SCNN1A: variants seen among roughly 807,000 people sequenced by gnomAD.
The protein encoded by SCNN1A is epithelial sodium channel subunit alpha.
Under a neutral mutation model 68.6 loss-of-function variants are expected in SCNN1A, and 65 were observed. The ratio of observed to expected loss-of-function variants is 0.95; its 90% CI spans 0.78 to 1.16. SCNN1A has a LOEUF of 1.16. Ranked by LOEUF, SCNN1A falls within the 50% of genes most tolerant of loss-of-function variation. The probability of loss-of-function intolerance (pLI) is 0.00; values close to 1 mark genes in which losing one functional copy is unlikely to be tolerated. For synonymous variants in SCNN1A, 357 were observed against 353.3 expected, an observed-to-expected ratio of 1.01 and a Z score of -0.12; for missense variants, 880 against 865.9, an observed-to-expected ratio of 1.02 and a Z score of -0.20.
At position 6,348,226 on chromosome 12, in the gene SCNN1A, T is replaced by C. The variant is rs761134966; in HGVS notation, c.1657A>G (p.Ser553Gly). Residue 553 changes from serine (S) to glycine (G), a missense_variant, in exon 13 of 13, where the codon AGC becomes GGC. Ser to Gly is a moderately conservative substitution (Grantham distance 56, BLOSUM62 0). Transcript: ENST00000228916. ...TMVTLLSNLGSQWSLWFGSSV... is the reference protein window; with the variant it reads ...TMVTLLSNLGGQWSLWFGSSV... ...GAGCCGAACCACAGGCTCCACTGGC[T>C]GCCCAGGTTGGACAGGAGGGTGACC... The C allele has an allele frequency of 3.1e-6, 5 of 1,614,058 alleles. No individual in the cohort carries two copies. In the African/African-American group the frequency reaches 6.7e-5, roughly 22 times the overall value.
At chr12:6,354,373 A>T in intron 8 of SCNN1A, 65 bp downstream of exon 8, 1 of 1,022,636 alleles carries the variant, frequency 9.8e-7, no homozygotes, top group Non-Finnish European at 1.6e-6. Context: ...GGGGACTGAG[A>T]GGAAAAAGTG....
intron 4 of SCNN1A, among the ~76,000 whole-genome samples, chr12:6,361,203 T>G (rs1395632483): frequency 6.6e-6 from 1 of 152,218 alleles, no homozygotes; most frequent in South Asian, 2.1e-4. Flanking sequence ...TGAATGAATC[T>G]CATTTTTTGT....
intron 8 of SCNN1A, chr12:6,349,996 G>A: frequency 5.2e-6 from 1 of 194,084 alleles, no homozygotes; most frequent in Non-Finnish European, 1.1e-5. Flanking sequence ...AAAGTGCTGG[G>A]ATTACAGGTG....
At chr12:6,348,319 C>G in intron 12 of SCNN1A, 66 bp from the exon 13 acceptor site, 1 of 1,610,350 alleles carries the variant, frequency 6.2e-7, no homozygotes, top group Non-Finnish European at 8.5e-7. Context: ...CAGAGGAGCC[C>G]CCTTCCCTCC....
chr12:6,346,966 T>C lies in SCNN1A; in HGVS notation c.*907A>G, dbSNP rs988955497. ...CCCTGACCGCAAGGCACTTACAGTC[T>C]AGTTGGGAAGGGAGACACAAATGTA... is the stretch of plus-strand genomic sequence containing the variant. On this transcript the variant is annotated 3_prime_UTR_variant, in exon 13 of 13. Transcript: ENST00000228916. The C allele has an allele frequency of 2.6e-5, 4 of 152,552 alleles. No homozygotes were observed. The highest frequency in any genetic ancestry group is 9.7e-5 in the African/African-American group (4 of 41,408). 9.4% of individuals were successfully genotyped at this position (152,552 alleles called of 1,614,324 possible). A position where few individuals can be genotyped will look rare whatever the true frequency, so the allele number is the denominator to read the frequency against.
intron 8 of SCNN1A, among the ~76,000 whole-genome samples, chr12:6,352,440 T>C (rs1948403962): frequency 1.3e-5 from 2 of 152,178 alleles, no homozygotes; most frequent in Admixed American, 6.6e-5. Context: ...AAGTAAGCCC[T>C]AGGAAATGCA....
rs374624922 is a variant in SCNN1A, at chr12:6,355,899, G to A, written c.876-19C>T. The A allele has an allele frequency of 2.7e-6, 4 of 1,487,918 alleles. No homozygotes were observed. Among genetic ancestry groups the A allele is most frequent in the African/African-American group, 1.4e-5 (1 of 72,352 alleles). The allele number at this position is 1,487,918 out of a possible 1,614,324, so 92.2% of individuals were successfully genotyped here. A position where few individuals can be genotyped will look rare whatever the true frequency, so the allele number is the denominator to read the frequency against. ...GTAATTCCTTATCAGGAAAGAGAGA[G>A]TAGGGTCAGAGAGGAAAGTGTAGGT... On this transcript the variant is annotated intron_variant, in intron 4 of 12. Transcript: ENST00000228916.
intron 2 of SCNN1A, among the ~76,000 whole-genome samples, chr12:6,365,233 G>T (rs1356058142): frequency 6.6e-6 from 1 of 152,036 alleles, no homozygotes; most frequent in Non-Finnish European, 1.5e-5. Flanking sequence ...GCCCAGGCTG[G>T]ACTCCAACTC....
intron 8 of SCNN1A, among the ~76,000 whole-genome samples, chr12:6,352,324 C>G (rs1317053973): frequency 6.6e-6 from 1 of 152,144 alleles, no homozygotes; most frequent in East Asian, 1.9e-4. Flanking sequence ...ATTATTGCTA[C>G]TTTTAGTTCC....
rs937878067 is a variant in SCNN1A at position 6,351,758 on chromosome 12, G to C, written c.1361-2353C>G. ...CTTGGGACTTGCTAATGAGTACAAGGTTTATTTATTTATTTATCTGAGACA... is the reference window on the plus strand; with the variant it reads ...CTTGGGACTTGCTAATGAGTACAAGCTTTATTTATTTATTTATCTGAGACA... On this transcript the variant is annotated intron_variant, in intron 8 of 12. Transcript: ENST00000228916. The surrounding 1 kb of genome is among the most constrained non-coding windows in gnomAD (Gnocchi z 4.2). Among the ~76,000 whole-genome samples the C allele has an allele frequency of 2.1e-5, 3 of 142,058 alleles. No homozygotes were observed. The highest frequency in any genetic ancestry group is 4.4e-5 in the Non-Finnish European group (3 of 67,940). 93.2% of individuals were successfully genotyped at this position (142,058 alleles called of 152,430 possible).
Position 6,364,693 on chromosome 12 carries a change from CAG to C in SCNN1A, c.417-985_417-984del, listed in dbSNP as rs943118763. On this transcript the variant is annotated intron_variant, in intron 2 of 12. Transcript: ENST00000228916. ...AGGAGAATGGTGTGAACCCGGGAGA[CAG>C]AGCTTGCAGTGAGCCGAGATCGCGC... 1.7e-4 allele frequency among the ~76,000 whole-genome samples: 25 copies of C among 151,290 alleles called. 1 individual carries two copies. Among genetic ancestry groups the C allele is most frequent in the Admixed American group, 1.6e-3 (25 of 15,178 alleles).
intron 2 of SCNN1A, among the ~76,000 whole-genome samples, chr12:6,365,936 A>G (rs960352080): frequency 3.3e-5 from 5 of 152,034 alleles, no homozygotes; most frequent in African/African-American, 1.2e-4. Context: ...TCGGCTCACA[A>G]GCTCCGCCTC....
At chr12:6,353,844 C>A in intron 8 of SCNN1A, 1 of 149,562 alleles carries the variant, frequency 6.7e-6, no homozygotes, top group African/African-American at 2.5e-5. Context: ...CCGCCGTGGC[C>A]TCCCAAAGTG....
chr12:6,351,861 G>A lies in SCNN1A; in HGVS notation c.1361-2456C>T, dbSNP rs1441078760. Among the ~76,000 whole-genome samples, 1 of 152,032 alleles carries A rather than the reference G, an allele frequency of 6.6e-6. No individual in the cohort carries two copies. Among genetic ancestry groups the A allele is most frequent in the African/African-American group, 2.4e-5 (1 of 41,406 alleles). On this transcript the variant is annotated intron_variant, in intron 8 of 12. Transcript: ENST00000228916. The surrounding 1 kb of genome is among the most constrained non-coding windows in gnomAD (Gnocchi z 4.2). ...TGCAGCCTTGACCTCCTGGGCTCAG[G>A]TGATTCTCCCAGCTCAGCCTCCCAA...
Position 6,347,844 on chromosome 12 carries a change from C to A in SCNN1A, c.*29G>T. 1 of 1,585,042 alleles carries A rather than the reference C, an allele frequency of 6.3e-7. No individual in the cohort carries two copies. The highest frequency in any genetic ancestry group is 8.6e-7 in the Non-Finnish European group (1 of 1,161,264). On this transcript the variant is annotated 3_prime_UTR_variant, in exon 13 of 13. Coordinates refer to ENST00000228916, the MANE Select transcript of SCNN1A (RefSeq NM_001038.6). ...CACCCTCCCACCAGAGGAGCATCTG[C>A]CTTGGTGTGAGAAACCTCTCCTTCC...
intron 3 of SCNN1A, 93 bp downstream of exon 3, chr12:6,363,350 G>A (rs1948613534): frequency 5.2e-6 from 6 of 1,158,970 alleles, no homozygotes; most frequent in Non-Finnish European, 4.6e-6. Flanking sequence ...ACTGGGCTGC[G>A]CGGGCGGGTC....
chr12:6,348,529 AC>A (rs1490731581), intron 12 of SCNN1A, among the ~76,000 whole-genome samples, 197 bp downstream of exon 12: 3 of 72,678 alleles, frequency 4.1e-5, no homozygotes, highest in African/African-American at 1.7e-4. Flanking sequence ...CCCTCCCACC[AC>A]CCCCAGAGAC....
At chr12:6,376,286 C>T (rs1275371247), upstream of SCNN1A, 1 of 650,968 alleles carries the variant, frequency 1.5e-6, no homozygotes, top group African/African-American at 2.0e-5. Context: ...CCGGGAGGGG[C>T]CCAGGTGAAG....
rs771604719 is a variant in SCNN1A at position 6,348,932 on chromosome 12, G to A, written c.1553+18C>T. The A allele has an allele frequency of 1.6e-5, 26 of 1,613,354 alleles. No individual in the cohort carries two copies. Among genetic ancestry groups the A allele is most frequent in the South Asian group, 2.2e-5 (2 of 91,060 alleles). ...CCAAAGATTCCCTTCTTGTGGCTGG[G>A]ACCAGGGCAGGACTGACCTCTTGTT... On this transcript the variant is annotated intron_variant, in intron 11 of 12. Coordinates refer to ENST00000228916, the MANE Select transcript of SCNN1A (RefSeq NM_001038.6).
Sources: gnomAD v4.1 joint callset for allele counts (sites outside exome capture counted in the v4.1 genomes callset) on GRCh38, gnomAD v4.1.1 for gene constraint, Gnocchi (gnomAD v3.1) non-coding constraint, MANE v1.5 for transcripts, NCBI Gene and HGNC (gene_info 2026-07-23, HGNC 2026-07-21) for gene names.